CLASP1: variants seen among roughly 807,000 people sequenced by gnomAD.
The protein encoded by CLASP1 is cytoplasmic linker associated protein 1, also known as CLIP-associating protein 1.
CLASP1 carries 38 observed loss-of-function variants against 192.3 expected under a neutral mutation model. The observed-to-expected ratio is 0.20, with a 90% confidence interval of 0.15 to 0.26. The LOEUF is 0.26. Among genes scored for constraint, CLASP1 ranks in the 10% least tolerant of loss-of-function variants. The probability of loss-of-function intolerance (pLI) is 1.00; values close to 1 mark genes in which losing one functional copy is unlikely to be tolerated. For missense variants in CLASP1, 1,433 were observed against 1,932.5 expected (o/e 0.74, Z 4.85); for synonymous variants, 691 against 712.8 (o/e 0.97, Z 0.49).
intron 2 of CLASP1, among the ~76,000 whole-genome samples, chr2:121,564,709 G>A (rs1413240408): frequency 3.3e-5 from 5 of 152,118 alleles, no homozygotes; most frequent in South Asian, 2.1e-4. Flanking sequence ...GATTATCACC[G>A]AAACAACTCA....
At chr2:121,500,664 A>T (rs1291230535) in intron 8 of CLASP1, among the ~76,000 whole-genome samples, 1 of 152,218 alleles carries the variant, frequency 6.6e-6, no homozygotes, top group Non-Finnish European at 1.5e-5. Flanking sequence ...CTGGTCTCTC[A>T]AATTTACTGT....
chr2:121,430,260 A>G, intron 19 of CLASP1, 83 bp from the exon 20 acceptor site: 1 of 1,066,960 alleles, frequency 9.4e-7, no homozygotes, highest in Non-Finnish European at 1.4e-6. Context: ...GCCCCAAAAG[A>G]GGGGCACTGA....
chr2:121,376,374 C>T (rs1176574967), intron 34 of CLASP1, among the ~76,000 whole-genome samples: 1 of 152,134 alleles, frequency 6.6e-6, no homozygotes, highest in Admixed American at 6.5e-5. Context: ...CTATCATTCA[C>T]AGCAACATGG....
At chr2:121,457,384 A>G (rs1388076812) in intron 14 of CLASP1, among the ~76,000 whole-genome samples, 4 of 152,084 alleles carry the variant, frequency 2.6e-5, no homozygotes, top group African/African-American at 9.7e-5. Context: ...ATCACAGGAA[A>G]AAAATGTACA....
intron 30 of CLASP1, among the ~76,000 whole-genome samples, chr2:121,396,535 C>G (rs111556873): frequency 6.6e-6 from 1 of 152,164 alleles, no homozygotes; most frequent in Non-Finnish European, 1.5e-5. Flanking sequence ...TTCAAATATT[C>G]TAATGTGCAT....
Position 121,450,529 on chromosome 2 carries a change from AG to A in CLASP1, c.1523+383del, listed in dbSNP as rs1412079109. Among the ~76,000 whole-genome samples the A allele has an allele frequency of 4.6e-5, 7 of 152,344 alleles. No individual in the cohort carries two copies. The East Asian group carries it at 9.6e-4, about 21-fold the overall frequency. ...ACCAAGGAACCACAGATGCTTGCAA[AG>A]AAGTGACTGCAGGGAGAGAATTCCC... On this transcript the variant is annotated intron_variant, in intron 16 of 39. Coordinates refer to ENST00000263710, the Ensembl canonical transcript of CLASP1.
chr2:121,610,985 A>G (rs1409742455), intron 1 of CLASP1, among the ~76,000 whole-genome samples: 3 of 146,424 alleles, frequency 2.0e-5, no homozygotes, highest in Non-Finnish European at 3.0e-5. Context: ...GAGGAAGAGG[A>G]ACTGGAGGAG....
intron 33 of CLASP1, among the ~76,000 whole-genome samples, chr2:121,380,246 G>C (rs2071313315): frequency 6.6e-6 from 1 of 152,206 alleles, no homozygotes; most frequent in Non-Finnish European, 1.5e-5. Flanking sequence ...GTATATGAGG[G>C]AGCAGCAGGA....
intron 23 of CLASP1, among the ~76,000 whole-genome samples, chr2:121,411,315 G>A (rs1395656983): frequency 2.0e-5 from 3 of 152,208 alleles, no homozygotes; most frequent in African/African-American, 7.2e-5. Flanking sequence ...TGGCCTTGAT[G>A]TTTGGTCAAA....
intron 2 of CLASP1, among the ~76,000 whole-genome samples, chr2:121,565,475 T>A (rs72971241): frequency 2.2e-3 from 339 of 152,310 alleles, no homozygotes; most frequent in African/African-American, 7.8e-3. Context: ...GCACTTTTTT[T>A]AAGAAATTTG....
intron 2 of CLASP1, among the ~76,000 whole-genome samples, chr2:121,586,500 T>C (rs1018235853): frequency 9.8e-5 from 15 of 152,292 alleles, no homozygotes; most frequent in Non-Finnish European, 1.8e-4. Flanking sequence ...AATAAAAAAC[T>C]TACAAAGTAG....
intron 37 of CLASP1, among the ~76,000 whole-genome samples, chr2:121,356,512 G>GC (rs1244419829): frequency 2.6e-5 from 4 of 152,192 alleles, no homozygotes; most frequent in Non-Finnish European, 1.5e-5. Context: ...TCTGGTTCTG[G>GC]CATCAACTAG....
At chr2:121,461,143 T>C in exon 11 of CLASP1, 1 of 1,607,646 alleles carries the variant, frequency 6.2e-7, no homozygotes. Context: ...CATCAGATAA[T>C]ATTTCCCTAA....
chr2:121,492,972 A>G (rs1408553444), intron 8 of CLASP1, among the ~76,000 whole-genome samples: 1 of 152,234 alleles, frequency 6.6e-6, no homozygotes, highest in East Asian at 1.9e-4. Flanking sequence ...TGACTATACT[A>G]AAAATAACTG....
intron 9 of CLASP1, among the ~76,000 whole-genome samples, chr2:121,467,907 G>A (rs1226026525): frequency 2.0e-5 from 3 of 151,956 alleles, no homozygotes; most frequent in African/African-American, 4.8e-5. Context: ...TCCTTCTAGG[G>A]TTTTATAGTT....
chr2:121,600,313 T>C (rs541509698), intron 2 of CLASP1, among the ~76,000 whole-genome samples: 1 of 152,350 alleles, frequency 6.6e-6, no homozygotes, highest in South Asian at 2.1e-4. Context: ...AAACCACCTC[T>C]ATTAAGTAAT....
chr2:121,570,229 T>C lies in CLASP1; in HGVS notation c.195+35472A>G, dbSNP rs551368483. Among the ~76,000 whole-genome samples, 6 of 152,260 alleles carry C rather than the reference T, an allele frequency of 3.9e-5. No homozygotes were observed. The South Asian group carries it at 1.2e-3, about 32-fold the overall frequency. On this transcript the variant is annotated intron_variant, in intron 2 of 39. Transcript: ENST00000263710. ...CAAAGGAAAGAGACAGGTGGCACAATCTTGTTAACGAAGTAAAAAGTGCCT... is the reference window on the plus strand; with the variant it reads ...CAAAGGAAAGAGACAGGTGGCACAACCTTGTTAACGAAGTAAAAAGTGCCT...
chr2:121,376,878 G>T (rs2070369141), intron 34 of CLASP1, among the ~76,000 whole-genome samples: 1 of 152,220 alleles, frequency 6.6e-6, no homozygotes, highest in Non-Finnish European at 1.5e-5. Flanking sequence ...AATGCCTGAT[G>T]ATTTGTCACT....
At chr2:121,349,499 T>A (rs1403005070) in intron 37 of CLASP1, among the ~76,000 whole-genome samples, 1 of 152,116 alleles carries the variant, frequency 6.6e-6, no homozygotes, top group South Asian at 2.1e-4. Context: ...TGCTTCCCAA[T>A]GGCTTGTGGG....
Sources: allele counts gnomAD v4.1 joint callset (sites outside exome capture counted in the v4.1 genomes callset), GRCh38; gene constraint gnomAD v4.1.1; transcripts MANE v1.5; gene names NCBI Gene and HGNC (gene_info 2026-07-23, HGNC 2026-07-21).